The following TYW1B variants were observed in gnomAD, a reference collection of about 807,000 sequenced individuals.
TYW1B encodes S-adenosyl-L-methionine-dependent tRNA 4-demethylwyosine synthase TYW1B.
Under a neutral mutation model 86.9 loss-of-function variants are expected in TYW1B, and 73 were observed. The observed-to-expected ratio is 0.84, with a 90% CI of 0.70 to 1.02. The LOEUF is 1.02. TYW1B is among the 50% of genes least tolerant of loss of function. The pLI is 0.00. For synonymous variants in TYW1B, 248 were observed against 292.8 expected, an observed-to-expected ratio of 0.85 and a Z score of 1.56; for missense variants, 637 against 827.4, an observed-to-expected ratio of 0.77 and a Z score of 2.82.
chr7:72,800,333 G>A (rs1425473935), intron 6 of TYW1B, among the ~76,000 whole-genome samples: 2 of 151,846 alleles, frequency 1.3e-5, no homozygotes, highest in East Asian at 3.9e-4. Context: ...AAGCAGTTGT[G>A]ACTACGGGCA....
At chr7:72,589,905 G>C (rs182985434) in intron 13 of TYW1B, among the ~76,000 whole-genome samples, 3 of 151,964 alleles carry the variant, frequency 2.0e-5, no homozygotes, top group Non-Finnish European at 4.4e-5. Context: ...AAACAAACAA[G>C]TATCAACTTG....
intron 12 of TYW1B, among the ~76,000 whole-genome samples, chr7:72,628,402 A>G (rs1196374429): frequency 6.6e-6 from 1 of 152,242 alleles, no homozygotes; most frequent in African/African-American, 2.4e-5. Context: ...GCTTTAAAAT[A>G]ATCTGGGCTA....
chr7:72,727,183 GAACAA>G (rs1787015530), intron 9 of TYW1B, among the ~76,000 whole-genome samples: 1 of 152,140 alleles, frequency 6.6e-6, no homozygotes, highest in Non-Finnish European at 1.5e-5. Flanking sequence ...GGCCAGAACA[GAACAA>G]ATTTCCTTAC....
chr7:72,586,195 C>T (rs1447308967), intron 13 of TYW1B, among the ~76,000 whole-genome samples: 9 of 152,170 alleles, frequency 5.9e-5, no homozygotes, highest in African/African-American at 9.7e-5. Flanking sequence ...TCCAGTTGTC[C>T]TATCGCAGAG....
At chr7:72,776,508 C>T (rs1260997052) in intron 7 of TYW1B, among the ~76,000 whole-genome samples, 9 of 119,002 alleles carry the variant, frequency 7.6e-5, no homozygotes, top group Admixed American at 1.2e-4. Flanking sequence ...TTACAGTGAG[C>T]CAAGATTATG....
chr7:72,729,808 C>T (rs1324806922), intron 8 of TYW1B, among the ~76,000 whole-genome samples: 1 of 152,078 alleles, frequency 6.6e-6, no homozygotes, highest in Non-Finnish European at 1.5e-5. Context: ...GAAGACACTA[C>T]CCCCATAAGC....
chr7:72,687,110 C>T (rs1394537295), intron 11 of TYW1B, among the ~76,000 whole-genome samples: 1 of 152,128 alleles, frequency 6.6e-6, no homozygotes, highest in Non-Finnish European at 1.5e-5. Flanking sequence ...AAATGAGGAG[C>T]TCTGTTTATC....
At position 72,577,985 on chromosome 7, in the gene TYW1B, C is replaced by T. The variant is rs560146394; in HGVS notation, c.1786-2266G>A. Reference sequence around the variant, plus strand: ...CCTCACTGTCCTGAACTTCCACAGACACTATAATGGCCCCTGCAGTTTCCT... The same window carrying T: ...CCTCACTGTCCTGAACTTCCACAGATACTATAATGGCCCCTGCAGTTTCCT... On this transcript the variant is annotated intron_variant, in intron 13 of 13. Transcript: ENST00000620995. Among the ~76,000 whole-genome samples, 4 of 152,306 alleles carry T rather than the reference C, an allele frequency of 2.6e-5. No individual in the cohort carries two copies. The South Asian group carries it at 8.3e-4, about 32-fold the overall frequency.
intron 7 of TYW1B, among the ~76,000 whole-genome samples, chr7:72,764,407 C>G (rs528806485): frequency 6.6e-6 from 1 of 152,274 alleles, no homozygotes; most frequent in East Asian, 1.9e-4. Flanking sequence ...CTCAGCCTCC[C>G]GAGTAGCTGG....
intron 6 of TYW1B, among the ~76,000 whole-genome samples, chr7:72,786,863 C>T (rs1420728171): frequency 3.9e-5 from 6 of 152,122 alleles, no homozygotes; most frequent in Admixed American, 3.3e-4. Context: ...GCATGAGCCA[C>T]TGCGCCCTGC....
intron 10 of TYW1B, among the ~76,000 whole-genome samples, chr7:72,698,635 G>A (rs1585911484): frequency 8.5e-6 from 1 of 118,140 alleles, no homozygotes; most frequent in African/African-American, 3.3e-5. Context: ...AACAGAGCAA[G>A]ACTCCATCTC....
intron 2 of TYW1B, among the ~76,000 whole-genome samples, chr7:72,825,197 C>T (rs1788906966): frequency 6.6e-6 from 1 of 151,936 alleles, no homozygotes; most frequent in African/African-American, 2.4e-5. Context: ...ACACTATTAC[C>T]ATCTGCAATT....
intron 12 of TYW1B, among the ~76,000 whole-genome samples, chr7:72,627,405 G>A (rs564239356): frequency 1.3e-4 from 20 of 151,764 alleles, no homozygotes; most frequent in African/African-American, 3.6e-4. Context: ...CCGAGATCAC[G>A]CCACTGTACT....
intron 7 of TYW1B, among the ~76,000 whole-genome samples, chr7:72,753,860 T>C (rs192219412): frequency 1.3e-5 from 2 of 152,318 alleles, no homozygotes; most frequent in East Asian, 1.9e-4. Flanking sequence ...CATAATGCTA[T>C]TGCATACTTA....
intron 7 of TYW1B, among the ~76,000 whole-genome samples, chr7:72,750,791 T>A (rs1284385268): frequency 6.6e-6 from 1 of 152,202 alleles, no homozygotes; most frequent in Non-Finnish European, 1.5e-5. Flanking sequence ...TTTTCAGATA[T>A]TCGAATATTT....
chr7:72,819,485 T>A (rs1788788290), intron 2 of TYW1B, among the ~76,000 whole-genome samples: 1 of 152,174 alleles, frequency 6.6e-6, no homozygotes, highest in Admixed American at 6.6e-5. Context: ...CAGGCTGAAG[T>A]GCAGTGGCAC....
At chr7:72,715,508 AAG>A (rs1445387996) in intron 9 of TYW1B, among the ~76,000 whole-genome samples, 2 of 152,168 alleles carry the variant, frequency 1.3e-5, no homozygotes, top group Non-Finnish European at 2.9e-5. Context: ...AAGACTCGGA[AAG>A]AGTGTAAATA....
rs1811572552 is a variant in TYW1B at position 72,597,785 on chromosome 7, C to T, written c.1785+18887G>A. ...AAAATACACATTACAAAAAATGATT[C>T]AAGGAGAAAAACTTGCATCATATTA... On this transcript the variant is annotated intron_variant, in intron 13 of 13. Transcript: ENST00000620995. Among the ~76,000 whole-genome samples, 5 of 151,884 alleles carry T rather than the reference C, an allele frequency of 3.3e-5. No homozygotes were observed. The South Asian group carries it at 1.0e-3, about 32-fold the overall frequency.
At chr7:72,824,991 T>C (rs554715709) in intron 2 of TYW1B, among the ~76,000 whole-genome samples, 2 of 150,976 alleles carry the variant, frequency 1.3e-5, no homozygotes, top group African/African-American at 4.9e-5. Context: ...TAGTCCCAGA[T>C]ACTCAGGAGG....
Sources: gnomAD v4.1 joint callset for allele counts (sites outside exome capture counted in the v4.1 genomes callset) on GRCh38, gnomAD v4.1.1 for gene constraint, MANE v1.5 for transcripts, NCBI Gene and HGNC (gene_info 2026-07-23, HGNC 2026-07-21) for gene names.